Variants in FAM149B1 observed in about 807,000 individuals in gnomAD.
FAM149B1 encodes the protein primary cilium assembly protein FAM149B1.
Under a neutral mutation model 75.3 loss-of-function variants are expected in FAM149B1, and 56 were observed. The observed-to-expected ratio is 0.74, with a 90% CI of 0.60 to 0.93. The LOEUF is 0.93. FAM149B1 is among the 40% of genes least tolerant of loss of function. FAM149B1 has a pLI of 0.00. For synonymous variants in FAM149B1, 259 were observed against 256.1 expected (o/e 1.01, Z -0.11); for missense variants, 639 against 708.4 (o/e 0.90, Z 1.11).
chr10:73,239,652 C>CTTTT (rs34824883), intron 13 of FAM149B1, among the ~76,000 whole-genome samples: 29 of 140,594 alleles, frequency 2.1e-4, no homozygotes, highest in African/African-American at 6.7e-4. Flanking sequence ...GGTAAACTGC[C>CTTTT]TTTTTTTTTT....
chr10:73,216,304 T>C (rs6480682), intron 7 of FAM149B1, among the ~76,000 whole-genome samples: 16,021 of 152,220 alleles, frequency 0.11, 1,231 homozygotes, highest in East Asian at 0.31. Context: ...TAAGATGAGT[T>C]TCTTGTAGGC....
chr10:73,183,885 C>A (rs1351909932), intron 3 of FAM149B1, among the ~76,000 whole-genome samples: 2 of 152,156 alleles, frequency 1.3e-5, no homozygotes, highest in Non-Finnish European at 2.9e-5. Context: ...CCTGGAGAGA[C>A]CCTATGCCCA....
At chr10:73,211,034 A>G (rs1012912200) in intron 7 of FAM149B1, among the ~76,000 whole-genome samples, 2 of 152,022 alleles carry the variant, frequency 1.3e-5, no homozygotes, top group Admixed American at 1.3e-4. Flanking sequence ...AGATCCCACA[A>G]ATTAAGGGCC....
intron 5 of FAM149B1, among the ~76,000 whole-genome samples, chr10:73,194,167 CA>C (rs2042742428): frequency 6.6e-6 from 1 of 152,066 alleles, no homozygotes; most frequent in Non-Finnish European, 1.5e-5. Context: ...TACTAAATTT[CA>C]GCGTGAATTT....
At chr10:73,226,928 G>A (rs531020430) in intron 7 of FAM149B1, among the ~76,000 whole-genome samples, 1 of 152,168 alleles carries the variant, frequency 6.6e-6, no homozygotes, top group Admixed American at 6.5e-5. Flanking sequence ...ATGCAGGTTT[G>A]CAGTATATGC....
intron 3 of FAM149B1, among the ~76,000 whole-genome samples, chr10:73,188,765 GGAAGGAA>G (rs1564687171): frequency 1.6e-4 from 13 of 81,132 alleles, no homozygotes; most frequent in African/African-American, 7.9e-4. Context: ...AGGGAAGGAA[GGAAGGAA>G]GGAAGGAAGG....
chr10:73,232,152 CCATTT>C (rs1458539843), intron 9 of FAM149B1, among the ~76,000 whole-genome samples: 2 of 152,126 alleles, frequency 1.3e-5, no homozygotes, highest in Non-Finnish European at 2.9e-5. Context: ...CACTTCTCTT[CCATTT>C]AATTGTGCGG....
At chr10:73,240,527 A>C (rs564670373) in intron 13 of FAM149B1, among the ~76,000 whole-genome samples, 15 of 152,270 alleles carry the variant, frequency 9.9e-5, no homozygotes, top group Non-Finnish European at 7.4e-5. Flanking sequence ...CCTGGCTAAC[A>C]TGGTGAAACC....
intron 7 of FAM149B1, among the ~76,000 whole-genome samples, chr10:73,213,494 C>T (rs776586869): frequency 9.9e-5 from 15 of 152,128 alleles, no homozygotes; most frequent in African/African-American, 2.9e-4. Flanking sequence ...TTTTTGTATA[C>T]GGTGAGAGGT....
rs1183837974 is a variant in FAM149B1 at position 73,241,215 on chromosome 10, T to C, written c.*196T>C. On this transcript the variant is annotated 3_prime_UTR_variant, in exon 14 of 14. Coordinates refer to ENST00000242505, the MANE Select transcript of FAM149B1 (RefSeq NM_173348.2). ...ACATGAGTGTTGTTTCTATCTCCAG[T>C]TACTGTCTCTTTCAGCAGAAATTAA... 28 of 545,614 alleles carry C rather than the reference T, an allele frequency of 5.1e-5. 1 individual carries two copies. Among genetic ancestry groups the C allele is most frequent in the South Asian group, 5.0e-4 (25 of 50,170 alleles). The allele number at this position is 545,614 out of a possible 1,614,324, so 33.8% of individuals were successfully genotyped here.
rs1001878840 is a variant in FAM149B1, at chr10:73,243,567, A to G, written c.*2548A>G. The stretch of plus-strand genomic sequence containing the variant: ...AGCTTTCACAACATTATCCATAGAC[A>G]GAAAGTACCTAGTGGTTGCCAGGGG... On this transcript the variant is annotated 3_prime_UTR_variant, in exon 14 of 14. Transcript: ENST00000242505. The G allele has an allele frequency of 8.1e-6, 13 of 1,610,658 alleles. No individual in the cohort carries two copies. The highest frequency in any genetic ancestry group is 1.3e-5 in the African/African-American group (1 of 74,798).
intron 7 of FAM149B1, among the ~76,000 whole-genome samples, chr10:73,219,222 G>A (rs1440250632): frequency 6.6e-6 from 1 of 152,114 alleles, no homozygotes; most frequent in African/African-American, 2.4e-5. Context: ...CTTCCACACT[G>A]AAAACTATGT....
chr10:73,240,988 G>C lies in FAM149B1; in HGVS notation c.1718G>C (p.Arg573Thr), dbSNP rs1589202020. The C allele has an allele frequency of 6.6e-7, 1 of 1,521,240 alleles. No homozygotes were observed. Among genetic ancestry groups the C allele is most frequent in the East Asian group, 2.5e-5 (1 of 39,614 alleles). The allele number at this position is 1,521,240 out of a possible 1,614,324, so 94.2% of individuals were successfully genotyped here. ...TCTACAAAATCTCAAAGCGGAGGCA[G>C]ACCAGTCTCTCGAACCAGGCAGGGA... is the stretch of plus-strand genomic sequence containing the variant. ...HGSTKSQSGG[R>T]PVSRTRQGP is the part of the protein sequence containing the mutation. The change falls in exon 14 of 14, where the codon AGA becomes ACA. Residue 573 changes from arginine to threonine, a missense_variant. Transcript: ENST00000242505.
intron 8 of FAM149B1, among the ~76,000 whole-genome samples, chr10:73,229,309 AC>A (rs1564712491): frequency 6.6e-6 from 1 of 152,142 alleles, no homozygotes; most frequent in African/African-American, 2.4e-5. Context: ...AGCTGGATTT[AC>A]AAAACAGGTA....
At chr10:73,178,940 C>T (rs1267075311) in intron 3 of FAM149B1, among the ~76,000 whole-genome samples, 2 of 151,990 alleles carry the variant, frequency 1.3e-5, no homozygotes, top group Non-Finnish European at 2.9e-5. Context: ...CATCTTGATG[C>T]AAGATGCAAT....
At chr10:73,215,554 G>A (rs944480447) in intron 7 of FAM149B1, among the ~76,000 whole-genome samples, 28 of 152,166 alleles carry the variant, frequency 1.8e-4, no homozygotes, top group African/African-American at 6.7e-4. Flanking sequence ...AGCATTTATT[G>A]CTATAACTTT....
chr10:73,181,842 G>GA (rs2042405566), intron 3 of FAM149B1, among the ~76,000 whole-genome samples: 1 of 152,206 alleles, frequency 6.6e-6, no homozygotes, highest in Non-Finnish European at 1.5e-5. Flanking sequence ...GTTGGGTGTT[G>GA]AAGTCTCCAA....
At chr10:73,170,139 G>A (rs551699099) in intron 1 of FAM149B1, among the ~76,000 whole-genome samples, 6 of 152,062 alleles carry the variant, frequency 3.9e-5, no homozygotes, top group South Asian at 2.1e-4. Context: ...TTCTAGCCAC[G>A]TGACTTTTAG....
At chr10:73,235,404 T>C (rs2043799950) in intron 12 of FAM149B1, 86 bp downstream of exon 12, 2 of 1,527,424 alleles carry the variant, frequency 1.3e-6, no homozygotes, top group Non-Finnish European at 1.8e-6. Flanking sequence ...CTTAAGATTT[T>C]ATCTAGAGGC....
Sources: gnomAD v4.1 joint callset for allele counts (sites outside exome capture counted in the v4.1 genomes callset) on GRCh38, gnomAD v4.1.1 for gene constraint, MANE v1.5 for transcripts, NCBI Gene and HGNC (gene_info 2026-07-23, HGNC 2026-07-21) for gene names.